Variants in AHDC1 observed in about 807,000 individuals in gnomAD.
The protein encoded by AHDC1 is AT-hook DNA binding motif containing 1, also known as transcription factor Gibbin.
AHDC1 carries 7 observed loss-of-function variants against 87.9 expected under a neutral mutation model. The observed-to-expected ratio is 0.08, with a 90% CI of 0.05 to 0.15. The LOEUF (loss-of-function observed/expected upper bound fraction) is 0.15. Ranked by LOEUF, AHDC1 falls within the 10% of genes least tolerant of loss-of-function variation. The pLI is 1.00. For synonymous variants in AHDC1, 1,051 were observed against 1,006.8 expected, an observed-to-expected ratio of 1.04 and a Z score of -0.83; for missense variants, 1,841 against 2,253.2, an observed-to-expected ratio of 0.82 and a Z score of 3.70.
intron 3 of AHDC1, among the ~76,000 whole-genome samples, chr1:27,587,270 A>G (rs1366680362): frequency 6.6e-6 from 1 of 152,194 alleles, no homozygotes; most frequent in Non-Finnish European, 1.5e-5. Flanking sequence ...TAAGGGGTAC[A>G]TTCCATGTCA....
At chr1:27,552,221 C>T (rs1442770838) in intron 7 of AHDC1, 32 bp from the exon 8 acceptor site, 7 of 1,416,872 alleles carry the variant, frequency 4.9e-6, no homozygotes, top group Non-Finnish European at 6.4e-6. Flanking sequence ...AGGTCCCTTA[C>T]TGAACACCTA....
chr1:27,566,437 A>G (rs961075321), intron 3 of AHDC1, among the ~76,000 whole-genome samples: 3 of 151,904 alleles, frequency 2.0e-5, no homozygotes, highest in African/African-American at 7.3e-5. Flanking sequence ...TGCAGAGACA[A>G]AGACACACGC....
chr1:27,553,604 A>G (rs1313802740), intron 5 of AHDC1: 2 of 152,192 alleles, frequency 1.3e-5, no homozygotes, highest in Non-Finnish European at 2.9e-5. Context: ...ATCTCATCAA[A>G]TTCCCCAGAC....
Position 27,558,919 on chromosome 1 carries a change from T to G in AHDC1, c.-628-36A>C. 1 of 398,556 alleles carries G rather than the reference T, an allele frequency of 2.5e-6. No individual in the cohort carries two copies. Among genetic ancestry groups the G allele is most frequent in the African/African-American group, 2.1e-5 (1 of 48,696 alleles). 24.7% of individuals were successfully genotyped at this position (398,556 alleles called of 1,614,324 possible). On this transcript the variant is annotated intron_variant, in intron 3 of 8. Coordinates refer to ENST00000673934, the MANE Select transcript of AHDC1 (RefSeq NM_001371928.1). This position sits in a 1 kb window ranked among gnomAD's most constrained non-coding sequence, Gnocchi z 5.6. ...AAACACAGCACCACAGAGATAAGCA[T>G]GGACACAGGGTAAGCCAGCCAGACA... is the stretch of plus-strand genomic sequence containing the variant.
intron 3 of AHDC1, among the ~76,000 whole-genome samples, chr1:27,575,559 G>C (rs1450641163): frequency 2.6e-5 from 4 of 151,620 alleles, no homozygotes. Context: ...CCGGCCGGCC[G>C]CGCTCTCCAG....
intron 7 of AHDC1, chr1:27,552,493 G>C (rs1239471353): frequency 5.1e-6 from 1 of 194,296 alleles, no homozygotes; most frequent in African/African-American, 2.3e-5. Context: ...CCGCCTCCTA[G>C]TGCAAGCGAT....
At chr1:27,568,006 T>C (rs2020398440) in intron 3 of AHDC1, 1 of 152,318 alleles carries the variant, frequency 6.6e-6, no homozygotes, top group Non-Finnish European at 1.5e-5. Context: ...AAACCTGGTT[T>C]CCAGCTTTGA....
At chr1:27,576,847 GC>G (rs2088767208) in intron 3 of AHDC1, among the ~76,000 whole-genome samples, 1 of 152,164 alleles carries the variant, frequency 6.6e-6, no homozygotes, top group Non-Finnish European at 1.5e-5. Context: ...CTGCTTTTGG[GC>G]ATGTGGTGAC....
In AHDC1 at chr1:27,551,969, G is replaced by C. The variant is rs753213728; in HGVS notation, c.147C>G (p.Asp49Glu). Residue 49 changes from aspartate to glutamate, a missense_variant, in exon 8 of 9, where the codon GAC (aspartate) becomes GAG (glutamate). Coordinates refer to ENST00000673934, the MANE Select transcript of AHDC1 (RefSeq NM_001371928.1). Reference protein sequence around the residue: ...LPTRPPASPPDKAFSTHAFSE... With the variant: ...LPTRPPASPPEKAFSTHAFSE... The stretch of plus-strand genomic sequence containing the variant: ...AGAAGGCGTGGGTGGAGAAGGCCTT[G>C]TCAGGTGGGCTGGCAGGGGGCCGGG... 8 of 1,502,712 alleles carry C rather than the reference G, an allele frequency of 5.3e-6. No individual in the cohort carries two copies. In the African/African-American group the frequency reaches 1.1e-4, roughly 21 times the overall value. 93.1% of individuals were successfully genotyped at this position (1,502,712 alleles called of 1,614,324 possible).
intron 8 of AHDC1, among the ~76,000 whole-genome samples, chr1:27,540,812 G>C (rs2018871031): frequency 6.6e-6 from 1 of 151,798 alleles, no homozygotes; most frequent in East Asian, 1.9e-4. Context: ...GTGCCAGGAC[G>C]GAAGCCTGGA....
intron 3 of AHDC1, among the ~76,000 whole-genome samples, chr1:27,585,351 C>G (rs2089024410): frequency 6.6e-6 from 1 of 151,666 alleles, no homozygotes; most frequent in African/African-American, 2.4e-5. Context: ...CACATACTGA[C>G]TGTGTGACCT....
Position 27,547,766 on chromosome 1 carries a change from C to T in AHDC1, c.4350G>A (p.Pro1450=), listed in dbSNP as rs1316459609. ...AQAHLSCRDL[P]LGQPHYDSPS... is the part of the protein sequence containing the mutation. The stretch of plus-strand genomic sequence containing the variant: ...GGGAATCGTAGTGGGGCTGGCCCAG[C>T]GGCAGGTCCCGGCAGCTCAGGTGGG... Residue 1450 remains proline, a synonymous_variant, in exon 8 of 9, where the codon CCG becomes CCA. Coordinates refer to ENST00000673934, the MANE Select transcript of AHDC1 (RefSeq NM_001371928.1). The surrounding 1 kb of genome is among the most constrained non-coding windows in gnomAD (Gnocchi z 4.9). 4.4e-6 allele frequency: 7 copies of T among 1,578,948 alleles called. No individual in the cohort carries two copies. In the African/African-American group the frequency reaches 5.4e-5, roughly 12 times the overall value.
chr1:27,597,708 C>T (rs1418216065), intron 3 of AHDC1, among the ~76,000 whole-genome samples: 1 of 152,052 alleles, frequency 6.6e-6, no homozygotes, highest in Non-Finnish European at 1.5e-5. Context: ...AGGGAGAAAA[C>T]ACCTTCCAGA....
At position 27,549,816 on chromosome 1, in the gene AHDC1, T is replaced by A; in HGVS notation, c.2300A>T (p.Glu767Val). Residue 767 changes from glutamate (E) to valine (V), a missense_variant, in exon 8 of 9, where the codon GAG becomes GTG. Physicochemically the swap from Glu to Val is moderately radical, Grantham distance 121 (BLOSUM62 -2). Transcript: ENST00000673934. Reference sequence around the variant, plus strand: ...GCCACCACCCTTATCCCCGGCCCACTCAGCACCTGCCTCCCCAAAGCCTGG... The same window carrying A: ...GCCACCACCCTTATCCCCGGCCCACACAGCACCTGCCTCCCCAAAGCCTGG... ...SGPGFGEAGAEWAGDKGGGWA... is the reference protein window; with the variant it reads ...SGPGFGEAGAVWAGDKGGGWA... 6.2e-7 allele frequency: 1 copy of A among 1,613,504 alleles called. No individual in the cohort carries two copies. Among genetic ancestry groups the A allele is most frequent in the Non-Finnish European group, 8.5e-7 (1 of 1,179,886 alleles).
intron 8 of AHDC1, among the ~76,000 whole-genome samples, chr1:27,543,963 G>GT: frequency 6.6e-6 from 1 of 151,316 alleles, no homozygotes; most frequent in East Asian, 1.9e-4. Context: ...AAAAAAAAAA[G>GT]TGTAGGGATT....
chr1:27,583,087 C>T (rs1212792361), intron 3 of AHDC1, among the ~76,000 whole-genome samples: 2 of 152,130 alleles, frequency 1.3e-5, no homozygotes, highest in Non-Finnish European at 2.9e-5. Context: ...AGGCTGGTTT[C>T]GAACTCCTGA....
rs2148356530 is a variant in AHDC1, at chr1:27,563,526, A to G, written c.-628-4643T>C. On this transcript the variant is annotated intron_variant, in intron 3 of 8. Coordinates refer to ENST00000673934, the MANE Select transcript of AHDC1 (RefSeq NM_001371928.1). This position sits in a 1 kb window ranked among gnomAD's most constrained non-coding sequence, Gnocchi z 6.1. ...TGTCACCTCCCCGGCTGCCTTGGACAGGTGACAGCCCACCTCACCCCTCCC... is the reference window on the plus strand; with the variant it reads ...TGTCACCTCCCCGGCTGCCTTGGACGGGTGACAGCCCACCTCACCCCTCCC... Among the ~76,000 whole-genome samples, 1 of 152,330 alleles carries G rather than the reference A, an allele frequency of 6.6e-6. No individual in the cohort carries two copies. Among genetic ancestry groups the G allele is most frequent in the South Asian group, 2.1e-4 (1 of 4,826 alleles).
chr1:27,561,345 TG>T lies in AHDC1; in HGVS notation c.-628-2463del, dbSNP rs113741661. On this transcript the variant is annotated intron_variant, in intron 3 of 8. Transcript: ENST00000673934. This position sits in a 1 kb window ranked among gnomAD's most constrained non-coding sequence, Gnocchi z 4.2. ...ATGGGGTCTGCCTGGCCCTGAGTGT[TG>T]GGGGGGAACTTCAGGAGCAAAGCTG... is the stretch of plus-strand genomic sequence containing the variant. 0.042 allele frequency among the ~76,000 whole-genome samples: 6,431 copies of T among 151,762 alleles called. 443 individuals are homozygous for T. Among genetic ancestry groups the T allele is most frequent in the African/African-American group, 0.14 (5,961 of 41,260 alleles).
At chr1:27,581,450 G>A (rs1420499589) in intron 3 of AHDC1, among the ~76,000 whole-genome samples, 1 of 150,200 alleles carries the variant, frequency 6.7e-6, no homozygotes, top group African/African-American at 2.4e-5. Context: ...AGGCAGGCAC[G>A]CCTTTAGTTC....
Sources: allele counts gnomAD v4.1 joint callset (sites outside exome capture counted in the v4.1 genomes callset), GRCh38; gene constraint gnomAD v4.1.1; non-coding constraint Gnocchi (gnomAD v3.1); transcripts MANE v1.5; gene names NCBI Gene and HGNC (gene_info 2026-07-23, HGNC 2026-07-21).